The following SURF6 variants were observed in gnomAD, a reference collection of about 807,000 sequenced individuals.
The protein encoded by SURF6 is surfeit locus protein 6.
Under a neutral mutation model 37.5 loss-of-function variants are expected in SURF6, and 28 were observed. The observed-to-expected ratio is 0.75, with a 90% CI of 0.55 to 1.02. The LOEUF is 1.02. Among genes scored for constraint, SURF6 ranks in the 50% least tolerant of loss-of-function variants. The pLI, the probability that SURF6 is intolerant of heterozygous loss-of-function variation, is 0.00. For synonymous variants in SURF6, 248 were observed against 210.9 expected (o/e 1.18, Z -1.52); for missense variants, 560 against 490.5 (o/e 1.14, Z -1.34).
rs1483201841 is a variant in SURF6, at chr9:133,330,129, A to C, written c.*1740T>G. 7 of 152,268 alleles carry C rather than the reference A, an allele frequency of 4.6e-5. No individual in the cohort carries two copies. Among genetic ancestry groups the C allele is most frequent in the African/African-American group, 1.7e-4 (7 of 41,472 alleles). 9.4% of individuals were successfully genotyped at this position (152,268 alleles called of 1,614,324 possible). A position where few individuals can be genotyped will look rare whatever the true frequency, so the allele number is the denominator to read the frequency against. On this transcript the variant is annotated 3_prime_UTR_variant, in exon 5 of 5. Coordinates refer to ENST00000372022, the MANE Select transcript of SURF6 (RefSeq NM_006753.6). The stretch of plus-strand genomic sequence containing the variant: ...GCATGCTTATTTTTCTTTAGCTTTA[A>C]AAATACAGACATACAGCGTATGTGT...
intron 1 of SURF6, 109 bp from the exon 2 acceptor site, chr9:133,334,710 G>A (rs1835830670): frequency 2.3e-6 from 3 of 1,329,562 alleles, no homozygotes; most frequent in African/African-American, 2.9e-5. Flanking sequence ...AGAGGATCAG[G>A]ATCGGGGGCC....
At chr9:133,334,705 A>T in intron 1 of SURF6, 104 bp from the exon 2 acceptor site, 1 of 1,393,038 alleles carries the variant, frequency 7.2e-7, no homozygotes, top group Admixed American at 2.1e-5. Context: ...CCGAAAGAGG[A>T]TCAGGATCGG....
chr9:133,334,430 T>G lies in SURF6; in HGVS notation c.266A>C (p.Glu89Ala). Residue 89 changes from glutamate (E) to alanine (A), a missense_variant, in exon 2 of 5, where the codon GAA becomes GCA. Physicochemically the swap from Glu to Ala is moderately radical, Grantham distance 107. Coordinates refer to ENST00000372022, the MANE Select transcript of SURF6 (RefSeq NM_006753.6). ...TGCTGAGCTGGAAGCCCAAGCTGCT[T>G]CCTCTTTGGCTGCCTCAGGCCTCCT... ...GARRPEAAKE[E>A]AAWASSSAGN... 1.2e-6 allele frequency: 2 copies of G among 1,613,990 alleles called. No individual in the cohort carries two copies. Among genetic ancestry groups the G allele is most frequent in the Non-Finnish European group, 1.7e-6 (2 of 1,180,038 alleles).
rs1288527957 is a variant in SURF6 at position 133,331,488 on chromosome 9, G to A, written c.*381C>T. 1 of 208,608 alleles carries A rather than the reference G, an allele frequency of 4.8e-6. No homozygotes were observed. Among genetic ancestry groups the A allele is most frequent in the African/African-American group, 2.3e-5 (1 of 43,768 alleles). 12.9% of individuals were successfully genotyped at this position (208,608 alleles called of 1,614,324 possible). ...ACGTGGCCCGGCAGCAGAGGCCACC[G>A]TCTTCTGTCCCGTGGCTCCTGCGAA... On this transcript the variant is annotated 3_prime_UTR_variant, in exon 5 of 5. Transcript: ENST00000372022.
chr9:133,331,946 C>T lies in SURF6; in HGVS notation c.1009G>A (p.Ala337Thr), dbSNP rs1835741048. The change falls in exon 5 of 5, where the codon GCC becomes ACC. Residue 337 changes from alanine to threonine, a missense_variant. Ala to Thr is a moderately conservative substitution (Grantham distance 58). Transcript: ENST00000372022. ...QNLRRKKAAR[A>T]ERRLLRARKK... Reference sequence around the variant, plus strand: ...CGGGCTCTGAGCAGGCGGCGCTCGGCGCGGGCCGCCTTCTTCCTGCGCAGG... The same window carrying T: ...CGGGCTCTGAGCAGGCGGCGCTCGGTGCGGGCCGCCTTCTTCCTGCGCAGG... 2 of 1,590,766 alleles carry T rather than the reference C, an allele frequency of 1.3e-6. No homozygotes were observed. The highest frequency in any genetic ancestry group is 1.7e-6 in the Non-Finnish European group (2 of 1,175,832).
In SURF6 at chr9:133,329,768, A is replaced by G. The variant is rs1835678813; in HGVS notation, c.*2101T>C. 6.6e-6 allele frequency: 1 copy of G among 152,248 alleles called. No homozygotes were observed. The highest frequency in any genetic ancestry group is 1.5e-5 in the Non-Finnish European group (1 of 68,044). 9.4% of individuals were successfully genotyped at this position (152,248 alleles called of 1,614,324 possible). On this transcript the variant is annotated 3_prime_UTR_variant, in exon 5 of 5. Coordinates refer to ENST00000372022, the MANE Select transcript of SURF6 (RefSeq NM_006753.6). The stretch of plus-strand genomic sequence containing the variant: ...TGTAACTATTCTTGTTTTATATTTT[A>G]TTATACTGGAACAGCTCGTGTCCTC...
In SURF6 at chr9:133,334,525, C is replaced by T. The variant is rs2129928006; in HGVS notation, c.171G>A (p.Lys57=). ...TGTGCTCAGCAGCCTTCTCTTCTCGCTTCCGGAATTTCTTTTGTGTTTTCT... is the reference window on the plus strand; with the variant it reads ...TGTGCTCAGCAGCCTTCTCTTCTCGTTTCCGGAATTTCTTTTGTGTTTTCT... The part of the protein sequence containing the change: ...KRKKTQKKFR[K]REEKAAEHKA... The change falls in exon 2 of 5, where the codon AAG becomes AAA. Residue 57 remains lysine, a synonymous_variant. Transcript: ENST00000372022. The T allele has an allele frequency of 3.7e-6, 6 of 1,614,022 alleles. No homozygotes were observed. The highest frequency in any genetic ancestry group is 2.2e-5 in the East Asian group (1 of 44,892).
chr9:133,329,316 G>C lies in SURF6; in HGVS notation c.*2553C>G, dbSNP rs2119036267. The C allele has an allele frequency of 5.8e-6, 1 of 171,888 alleles. No homozygotes were observed. Among genetic ancestry groups the C allele is most frequent in the East Asian group, 1.7e-4 (1 of 5,824 alleles). The allele number at this position is 171,888 out of a possible 1,614,324, so 10.6% of individuals were successfully genotyped here. A position where few individuals can be genotyped will look rare whatever the true frequency, so the allele number is the denominator to read the frequency against. On this transcript the variant is annotated 3_prime_UTR_variant, in exon 5 of 5. Transcript: ENST00000372022. ...TCACAGGGAGACGGTTAGGCCTCCA[G>C]ATAACTGCGGGCAGGCCTGCCGGAT...
At position 133,330,109 on chromosome 9, in the gene SURF6, CTTAT is replaced by C. The variant is rs1219734261; in HGVS notation, c.*1756_*1759del. The C allele has an allele frequency of 3.9e-5, 6 of 152,174 alleles. No homozygotes were observed. Among genetic ancestry groups the C allele is most frequent in the South Asian group, 2.1e-4 (1 of 4,826 alleles). 9.4% of individuals were successfully genotyped at this position (152,174 alleles called of 1,614,324 possible). On this transcript the variant is annotated 3_prime_UTR_variant, in exon 5 of 5. Transcript: ENST00000372022. The stretch of plus-strand genomic sequence containing the variant: ...GAGTTGTTCCAACTTAAGCTGCATG[CTTAT>C]TTTTCTTTAGCTTTAAAAATACAGA...
At chr9:133,332,952 C>A (rs782550323) in intron 3 of SURF6, 192 bp from the exon 4 acceptor site, 4 of 608,588 alleles carry the variant, frequency 6.6e-6, no homozygotes, top group Non-Finnish European at 1.2e-5. Flanking sequence ...AGAAGGGACC[C>A]CCAAATAAGA....
At position 133,329,707 on chromosome 9, in the gene SURF6, TATTC is replaced by T. The variant is rs2129903796; in HGVS notation, c.*2158_*2161del. 3 of 152,420 alleles carry T rather than the reference TATTC, an allele frequency of 2.0e-5. No individual in the cohort carries two copies. The highest frequency in any genetic ancestry group is 4.4e-5 in the Non-Finnish European group (3 of 68,150). The allele number at this position is 152,420 out of a possible 1,614,324, so 9.4% of individuals were successfully genotyped here. ...ATTGCTACAAACTAATGATTAATGA[TATTC>T]ATATGTAATCATATCTAAGATCTAT... On this transcript the variant is annotated 3_prime_UTR_variant, in exon 5 of 5. Coordinates refer to ENST00000372022, the MANE Select transcript of SURF6 (RefSeq NM_006753.6).
At chr9:133,332,847 G>A in intron 3 of SURF6, 87 bp from the exon 4 acceptor site, 2 of 1,329,846 alleles carry the variant, frequency 1.5e-6, no homozygotes, top group Admixed American at 2.0e-5. Context: ...ATCAGGGCTG[G>A]AAGGCAGGTG....
At chr9:133,334,711 A>G (rs2129928891) in intron 1 of SURF6, 110 bp from the exon 2 acceptor site, 7 of 1,317,160 alleles carry the variant, frequency 5.3e-6, no homozygotes, top group Non-Finnish European at 7.3e-6. Context: ...GAGGATCAGG[A>G]TCGGGGGCCA....
intron 3 of SURF6, chr9:133,332,985 T>G: frequency 3.4e-6 from 2 of 588,558 alleles, no homozygotes. Flanking sequence ...AATTCCCGGG[T>G]GCTTACCCCG....
intron 1 of SURF6, among the ~76,000 whole-genome samples, chr9:133,334,914 C>A (rs1017665755): frequency 1.5e-4 from 23 of 152,318 alleles, no homozygotes; most frequent in African/African-American, 5.3e-4. Context: ...ATGCTGCCAT[C>A]AAACACAATG....
chr9:133,332,487 A>G, intron 4 of SURF6, 61 bp downstream of exon 4: 1 of 1,572,786 alleles, frequency 6.4e-7, no homozygotes, highest in East Asian at 2.2e-5. Flanking sequence ...TGAAGCTAAC[A>G]AGGGGCAACG....
rs1174945830 is a variant in SURF6 at position 133,332,575 on chromosome 9, C to A, written c.579G>T (p.Arg193=). The A allele has an allele frequency of 6.2e-7, 1 of 1,609,158 alleles. No homozygotes were observed. Among genetic ancestry groups the A allele is most frequent in the East Asian group, 2.2e-5 (1 of 44,884 alleles). ...TATTGAAGATCAGCCCGGGCGGCTC[C>A]CGCGGCTCCGTGCAGGCCCCCTCTG... is the stretch of plus-strand genomic sequence containing the variant. ...ATPEGACTEP[R]EPPGLIFNKV... is the part of the protein sequence containing the mutation. Residue 193 remains arginine, a synonymous_variant, in exon 4 of 5, where the codon CGG becomes CGT. Transcript: ENST00000372022.
Position 133,332,416 on chromosome 9 carries a change from A to G in SURF6, c.607-68T>C, listed in dbSNP as rs1409097783. On this transcript the variant is annotated intron_variant, in intron 4 of 4. Coordinates refer to ENST00000372022, the MANE Select transcript of SURF6 (RefSeq NM_006753.6). Reference sequence around the variant, plus strand: ...AGGCCCCAGCCTTGGCCAGTACCCTAAGGGACCTGCGAGGTCCCCGTCACC... The same window carrying G: ...AGGCCCCAGCCTTGGCCAGTACCCTGAGGGACCTGCGAGGTCCCCGTCACC... The G allele has an allele frequency of 6.5e-6, 10 of 1,530,688 alleles. No homozygotes were observed. The Admixed American group carries it at 2.0e-4, about 31-fold the overall frequency. 94.8% of individuals were successfully genotyped at this position (1,530,688 alleles called of 1,614,324 possible). A position where few individuals can be genotyped will look rare whatever the true frequency, so the allele number is the denominator to read the frequency against.
chr9:133,335,661 G>A (rs1835854216), intron 1 of SURF6, among the ~76,000 whole-genome samples: 1 of 151,382 alleles, frequency 6.6e-6, no homozygotes, highest in African/African-American at 2.4e-5. Context: ...GGGACTGAAA[G>A]GGTCTTTTCC....
Sources: allele counts gnomAD v4.1 joint callset (sites outside exome capture counted in the v4.1 genomes callset), GRCh38; gene constraint gnomAD v4.1.1; transcripts MANE v1.5; gene names NCBI Gene and HGNC (gene_info 2026-07-23, HGNC 2026-07-21).